The following ADAMTS12 variants were observed in gnomAD, a reference collection of about 807,000 sequenced individuals.
ADAMTS12 encodes the protein ADAM metallopeptidase with thrombospondin type 1 motif 12, also known as A disintegrin and metalloproteinase with thrombospondin motifs 12.
Under a neutral mutation model 167.8 loss-of-function variants are expected in ADAMTS12, and 118 were observed. The ratio of observed to expected loss-of-function variants is 0.70; its 90% CI spans 0.61 to 0.82. The LOEUF is 0.82. ADAMTS12 is among the 40% of genes least tolerant of loss of function. The pLI is 0.00. For synonymous variants in ADAMTS12, 704 were observed against 716.9 expected (o/e 0.98, Z 0.29); for missense variants, 1,916 against 1,998.8 (o/e 0.96, Z 0.79).
chr5:33,658,182 A>T lies in ADAMTS12; in HGVS notation c.1190+2T>A. On this transcript the variant is annotated splice_donor_variant, in intron 7 of 23. Transcript: ENST00000504830. LOFTEE classifies it high-confidence loss of function. ...CAAACCTCCCTATCATTGGCCCTTT[A>T]CCTGTGTCCTAGCTCATGGGCAATT... is the stretch of plus-strand genomic sequence containing the variant. 1 of 1,613,198 alleles carries T rather than the reference A, an allele frequency of 6.2e-7. No homozygotes were observed. The highest frequency in any genetic ancestry group is 8.5e-7 in the Non-Finnish European group (1 of 1,179,448).
intron 2 of ADAMTS12, among the ~76,000 whole-genome samples, chr5:33,861,684 T>C (rs1001728962): frequency 6.6e-6 from 1 of 152,032 alleles, no homozygotes; most frequent in Admixed American, 6.6e-5. Context: ...AGACCTAATA[T>C]ACATCTACAG....
chr5:33,798,509 C>T (rs532406255), intron 2 of ADAMTS12, among the ~76,000 whole-genome samples: 1 of 142,732 alleles, frequency 7.0e-6, no homozygotes, highest in South Asian at 2.3e-4. Flanking sequence ...GGTGCAATCT[C>T]GGCTCACTGC....
intron 2 of ADAMTS12, among the ~76,000 whole-genome samples, chr5:33,842,433 C>T (rs891545865): frequency 2.0e-5 from 3 of 152,098 alleles, no homozygotes; most frequent in African/African-American, 7.2e-5. Context: ...TAAGAAAATC[C>T]TCAAGGTTGC....
At chr5:33,650,945 T>C (rs1291002556) in intron 7 of ADAMTS12, among the ~76,000 whole-genome samples, 1 of 152,144 alleles carries the variant, frequency 6.6e-6, no homozygotes, top group African/African-American at 2.4e-5. Context: ...TTCTGATCAG[T>C]ATTAGCAACT....
intron 20 of ADAMTS12, among the ~76,000 whole-genome samples, chr5:33,550,024 C>T (rs1450016011): frequency 6.6e-6 from 1 of 152,164 alleles, no homozygotes; most frequent in African/African-American, 2.4e-5. Flanking sequence ...GCAGCACCAT[C>T]ACGTGCAGCC....
At chr5:33,871,225 G>A (rs2111735601) in intron 2 of ADAMTS12, among the ~76,000 whole-genome samples, 1 of 152,138 alleles carries the variant, frequency 6.6e-6, no homozygotes, top group East Asian at 1.9e-4. Context: ...ACTCCCAAAA[G>A]GAAGTCTCTA....
chr5:33,677,097 A>G (rs1741941345), intron 5 of ADAMTS12, among the ~76,000 whole-genome samples: 1 of 152,152 alleles, frequency 6.6e-6, no homozygotes, highest in Non-Finnish European at 1.5e-5. Flanking sequence ...TCTTAAAAGA[A>G]GTCTCCAACA....
At chr5:33,808,837 A>G (rs192849060) in intron 2 of ADAMTS12, among the ~76,000 whole-genome samples, 143 of 152,310 alleles carry the variant, frequency 9.4e-4, no homozygotes, top group African/African-American at 3.1e-3. Context: ...ACAAACAAAA[A>G]GATAGCCAAT....
At chr5:33,854,595 G>T (rs563626986) in intron 2 of ADAMTS12, among the ~76,000 whole-genome samples, 1 of 152,148 alleles carries the variant, frequency 6.6e-6, no homozygotes, top group Non-Finnish European at 1.5e-5. Flanking sequence ...AGAAAACAAT[G>T]CTGCTTCTTA....
intron 19 of ADAMTS12, among the ~76,000 whole-genome samples, chr5:33,574,410 C>G (rs191971182): frequency 6.6e-6 from 1 of 150,450 alleles, no homozygotes; most frequent in African/African-American, 2.4e-5. Flanking sequence ...TGGAATACTA[C>G]GCAGTCATAA....
At chr5:33,679,477 G>T (rs1742033147) in intron 5 of ADAMTS12, among the ~76,000 whole-genome samples, 1 of 152,156 alleles carries the variant, frequency 6.6e-6, no homozygotes, top group Non-Finnish European at 1.5e-5. Flanking sequence ...AGCAGAGGGG[G>T]AAGAGCCCCT....
At chr5:33,769,486 T>C (rs184417919) in intron 2 of ADAMTS12, among the ~76,000 whole-genome samples, 1 of 152,252 alleles carries the variant, frequency 6.6e-6, no homozygotes, top group African/African-American at 2.4e-5. Context: ...TTTAGCTACT[T>C]AATCTAGACT....
At chr5:33,559,861 C>A (rs1368926001) in intron 20 of ADAMTS12, among the ~76,000 whole-genome samples, 1 of 152,042 alleles carries the variant, frequency 6.6e-6, no homozygotes, top group African/African-American at 2.4e-5. Context: ...GCCTGGGTGA[C>A]AAAGTGAGAC....
At chr5:33,786,016 T>C (rs1302932637) in intron 2 of ADAMTS12, among the ~76,000 whole-genome samples, 2 of 152,166 alleles carry the variant, frequency 1.3e-5, no homozygotes, top group East Asian at 3.8e-4. Flanking sequence ...AAATGCAACA[T>C]AAATGAACCT....
chr5:33,743,510 C>T (rs557913506), intron 3 of ADAMTS12, among the ~76,000 whole-genome samples: 1 of 152,312 alleles, frequency 6.6e-6, no homozygotes, highest in African/African-American at 2.4e-5. Context: ...TTGTATCTGC[C>T]AGAAAACACA....
rs552049994 is a variant in ADAMTS12 at position 33,630,886 on chromosome 5, G to T, written c.1916C>A (p.Pro639His). Residue 639 changes from proline to histidine, a missense_variant, in exon 13 of 24, where the codon CCC (proline) becomes CAC (histidine). Pro to His is a moderately conservative substitution (Grantham distance 77, BLOSUM62 -2). Transcript: ENST00000504830. The stretch of plus-strand genomic sequence containing the variant: ...TTTCTCAGAAAACTGGCCATCTATG[G>T]GTCGGCAGTAGAGCTCACAAGGATG... ...PAHPCELYCR[P>H]IDGQFSEKML... 4.3e-6 allele frequency: 7 copies of T among 1,613,492 alleles called. No individual in the cohort carries two copies. Among genetic ancestry groups the T allele is most frequent in the Non-Finnish European group, 5.1e-6 (6 of 1,179,590 alleles).
intron 3 of ADAMTS12, among the ~76,000 whole-genome samples, chr5:33,692,515 T>G (rs543269411): frequency 6.6e-6 from 1 of 152,366 alleles, no homozygotes; most frequent in East Asian, 1.9e-4. Flanking sequence ...GCACTTAGAA[T>G]AGTTCCTTCT....
chr5:33,758,598 G>T (rs1745246060), intron 2 of ADAMTS12, among the ~76,000 whole-genome samples: 1 of 152,146 alleles, frequency 6.6e-6, no homozygotes, highest in Non-Finnish European at 1.5e-5. Context: ...ATTTCCAGAT[G>T]TCAGTGTCAC....
chr5:33,883,037 C>T (rs1277833323), intron 1 of ADAMTS12, among the ~76,000 whole-genome samples: 1 of 152,200 alleles, frequency 6.6e-6, no homozygotes, highest in Non-Finnish European at 1.5e-5. Flanking sequence ...CAAATCTCAA[C>T]TCAAATCCTT....
Sources: allele counts gnomAD v4.1 joint callset (sites outside exome capture counted in the v4.1 genomes callset), GRCh38; gene constraint gnomAD v4.1.1; transcripts MANE v1.5; gene names NCBI Gene and HGNC (gene_info 2026-07-23, HGNC 2026-07-21).